SNRNP200: variants seen among roughly 807,000 people sequenced by gnomAD.
SNRNP200 encodes the protein U5 small nuclear ribonucleoprotein 200 kDa helicase.
A neutral mutation model predicts 255.2 loss-of-function variants in SNRNP200; 66 were observed. The ratio of observed to expected loss-of-function variants is 0.26; its 90% CI spans 0.21 to 0.32. The LOEUF (loss-of-function observed/expected upper bound fraction) is 0.32, where lower values mean the gene tolerates loss of function less well. SNRNP200 is among the 10% of genes least tolerant of loss of function. The probability of loss-of-function intolerance (pLI) is 1.00; values close to 1 mark genes in which losing one functional copy is unlikely to be tolerated. For synonymous variants in SNRNP200, 939 were observed against 1,027.8 expected (o/e 0.91, Z 1.65); for missense variants, 1,585 against 2,749.8 (o/e 0.58, Z 9.47).
At chr2:96,300,064 A>C (rs947664666) in intron 5 of SNRNP200, among the ~76,000 whole-genome samples, 1 of 152,154 alleles carries the variant, frequency 6.6e-6, no homozygotes, top group African/African-American at 2.4e-5. Context: ...TCAAACTCAG[A>C]AGTCTTGGCT....
In SNRNP200 at chr2:96,283,723, G is replaced by C. The variant is rs764630830; in HGVS notation, c.4585-10C>G. 2 of 1,613,886 alleles carry C rather than the reference G, an allele frequency of 1.2e-6. No homozygotes were observed. Among genetic ancestry groups the C allele is most frequent in the Admixed American group, 3.3e-5 (2 of 60,000 alleles). On this transcript the variant is annotated splice_polypyrimidine_tract_variant and intron_variant, in intron 32 of 44. Transcript: ENST00000323853. This position sits in a 1 kb window ranked among gnomAD's most constrained non-coding sequence, Gnocchi z 4.7. The stretch of plus-strand genomic sequence containing the variant: ...GGCTGATGTTGAAGCCCTGGCGACC[G>C]GGGAGAAGAAAAGACACCAAGGTTA...
chr2:96,297,745 AC>A (rs1233509561), intron 9 of SNRNP200, 25 bp from the exon 10 acceptor site: 1 of 1,613,330 alleles, frequency 6.2e-7, no homozygotes. Flanking sequence ...GATAAAAATC[AC>A]AAAAACAATT....
Position 96,285,277 on chromosome 2 carries a change from T to C in SNRNP200, c.4067A>G (p.Lys1356Arg). 1 of 1,614,142 alleles carries C rather than the reference T, an allele frequency of 6.2e-7. No individual in the cohort carries two copies. ...GATGGCAAACTCTGCACAAATAGTCTTCCCGCTGCCCGTGGGGGCCCCCAC... is the reference window on the plus strand; with the variant it reads ...GATGGCAAACTCTGCACAAATAGTCCTCCCGCTGCCCGTGGGGGCCCCCAC... ...VFVGAPTGSG[K>R]TICAEFAILR... Residue 1356 changes from lysine (K) to arginine (R), a missense_variant, in exon 30 of 45, where the codon AAG becomes AGG. Around this residue, in one of 9 missense-constraint regions of SNRNP200, gnomAD observed 719 missense variants for 1,091.1 expected, o/e 0.66. Coordinates refer to ENST00000323853, the MANE Select transcript of SNRNP200 (RefSeq NM_014014.5).
chr2:96,297,909 T>C (rs12478532), intron 9 of SNRNP200, among the ~76,000 whole-genome samples, 189 bp from the exon 10 acceptor site: 25 of 152,312 alleles, frequency 1.6e-4, no homozygotes, highest in Non-Finnish European at 2.8e-4. Context: ...AAAGGGGCAA[T>C]GCGCAGTACA....
chr2:96,299,653 T>C (rs2063940596), intron 5 of SNRNP200, among the ~76,000 whole-genome samples: 1 of 152,228 alleles, frequency 6.6e-6, no homozygotes, highest in South Asian at 2.1e-4. Context: ...CTTAGGCTGC[T>C]ACAATGGCAA....
intron 8 of SNRNP200, 82 bp from the exon 9 acceptor site, chr2:96,298,502 TAAAAG>T: frequency 6.2e-7 from 1 of 1,609,966 alleles, no homozygotes; most frequent in Non-Finnish European, 8.5e-7. Flanking sequence ...AGAAGAAAAA[TAAAAG>T]AAACAAGCAC....
At chr2:96,296,798 C>G in intron 12 of SNRNP200, 107 bp from the exon 13 acceptor site, 1 of 1,519,494 alleles carries the variant, frequency 6.6e-7, no homozygotes. Context: ...GTCCTGGGCA[C>G]TTTATCCTAC....
chr2:96,304,348 G>A (rs1394937702), intron 2 of SNRNP200, among the ~76,000 whole-genome samples: 1 of 152,118 alleles, frequency 6.6e-6, no homozygotes, highest in Non-Finnish European at 1.5e-5. Context: ...TAGGTAGAAC[G>A]TGGACAAGAG....
chr2:96,275,195 A>G (rs2104327243), intron 44 of SNRNP200, 40 bp from the exon 45 acceptor site: 1 of 1,614,178 alleles, frequency 6.2e-7, no homozygotes. Context: ...GCATGGACAC[A>G]GGAAGCATTC....
rs1410514838 is a variant in SNRNP200, at chr2:96,297,294, T to C, written c.1377+69A>G. ...ACTATATATGAAACAAGGCTACATT[T>C]TGGTCAATGGTTGAAATCCAAACCA... On this transcript the variant is annotated intron_variant, in intron 11 of 44. Transcript: ENST00000323853. 4 of 1,591,110 alleles carry C rather than the reference T, an allele frequency of 2.5e-6. No homozygotes were observed. The East Asian group carries it at 8.9e-5, about 36-fold the overall frequency.
intron 22 of SNRNP200, 53 bp downstream of exon 22, chr2:96,289,174 T>C (rs2063868241): frequency 6.2e-7 from 1 of 1,613,474 alleles, no homozygotes; most frequent in African/African-American, 1.3e-5. Flanking sequence ...GGGACACCAT[T>C]CAGTGACTTG....
rs761554698 is a variant in SNRNP200 at position 96,297,746 on chromosome 2, CA to C, written c.1120-27del. ...CTGTAGTGGACAAAGATAAAAATCA[CA>C]AAAACAATTCATCAGTATCATAGGT... On this transcript the variant is annotated intron_variant, in intron 9 of 44. Transcript: ENST00000323853. 5.0e-5 allele frequency: 80 copies of C among 1,612,860 alleles called. No individual in the cohort carries two copies. The African/African-American group carries it at 1.0e-3, about 20-fold the overall frequency.
At position 96,274,750 on chromosome 2, in the gene SNRNP200, T is replaced by A; in HGVS notation, c.*262A>T. On this transcript the variant is annotated 3_prime_UTR_variant, in exon 45 of 45. Coordinates refer to ENST00000323853, the MANE Select transcript of SNRNP200 (RefSeq NM_014014.5). Reference sequence around the variant, plus strand: ...GACAAATGGTTTCTACAAATTATTTTATTAGAATGTCAGACTCAAAAGAAC... The same window carrying A: ...GACAAATGGTTTCTACAAATTATTTAATTAGAATGTCAGACTCAAAAGAAC... 2 of 524,222 alleles carry A rather than the reference T, an allele frequency of 3.8e-6. No homozygotes were observed. The highest frequency in any genetic ancestry group is 6.9e-6 in the Non-Finnish European group (2 of 289,906). 32.5% of individuals were successfully genotyped at this position (524,222 alleles called of 1,614,324 possible).
chr2:96,293,050 C>T lies in SNRNP200; in HGVS notation c.2082G>A (p.Glu694=). The T allele has an allele frequency of 6.2e-7, 1 of 1,614,072 alleles. No homozygotes were observed. Among genetic ancestry groups the T allele is most frequent in the Non-Finnish European group, 8.5e-7 (1 of 1,179,934 alleles). The change falls in exon 16 of 45, where the codon GAG becomes GAA. Residue 694 remains glutamate (E), a synonymous_variant. Transcript: ENST00000323853. ...PLEQTYVGIT[E]KKAIKRFQIM... The stretch of plus-strand genomic sequence containing the variant: ...TCTGGAAACGCTTGATAGCTTTTTT[C>T]TCTGTGATACCCACATATGTCTGTT...
At position 96,279,463 on chromosome 2, in the gene SNRNP200, C is replaced by T. The variant is rs1421717337; in HGVS notation, c.5121G>A (p.Gln1707=). The T allele has an allele frequency of 6.2e-7, 1 of 1,613,276 alleles. No homozygotes were observed. The highest frequency in any genetic ancestry group is 1.3e-5 in the African/African-American group (1 of 74,916). The change falls in exon 36 of 45, where the codon CAG becomes CAA. Residue 1707 remains glutamine (Q), a synonymous_variant. Coordinates refer to ENST00000323853, the MANE Select transcript of SNRNP200 (RefSeq NM_014014.5). ...DDEGRCVIMC[Q]GSKKDFFKKF... ...GTCTAGGACTGACCTTCTTGGAGCC[C>T]TGACACATGATGACACAGCGCCCCT... is the stretch of plus-strand genomic sequence containing the variant.
chr2:96,293,239 C>G, intron 15 of SNRNP200, 77 bp downstream of exon 15: 1 of 1,574,806 alleles, frequency 6.3e-7, no homozygotes, highest in Non-Finnish European at 8.7e-7. Context: ...AAACCCAACC[C>G]AGTAGCACTC....
In SNRNP200 at chr2:96,298,621, G is replaced by C; in HGVS notation, c.964C>G (p.Arg322Gly). The change falls in exon 8 of 45, where the codon CGG becomes GGG. Residue 322 changes from arginine (R) to glycine (G), a missense_variant. Physicochemically the swap from Arg to Gly is moderately radical, Grantham distance 125 (BLOSUM62 -2). Around this residue, in one of 9 missense-constraint regions of SNRNP200, gnomAD observed 383 missense variants for 645.3 expected, o/e 0.59. Transcript: ENST00000323853. ...TACTCACTCATCATCCTGTGCTGCC[G>C]CAACACTTTAATGAAATCAAAGGTG... ...FNTFDFIKVL[R>G]QHRMMILYCT... 6.2e-7 allele frequency: 1 copy of C among 1,614,078 alleles called. No individual in the cohort carries two copies. The highest frequency in any genetic ancestry group is 1.1e-5 in the South Asian group (1 of 91,078).
rs1246629866 is a variant in SNRNP200, at chr2:96,290,524, A to G, written c.2554-10T>C. The stretch of plus-strand genomic sequence containing the variant: ...CGGCACGTCCCAGCATCTAGATCAG[A>G]GACAGCGAACCAAGAATGCTATGTC... On this transcript the variant is annotated splice_polypyrimidine_tract_variant and intron_variant, in intron 19 of 44. Transcript: ENST00000323853. The surrounding 1 kb of genome is among the most constrained non-coding windows in gnomAD (Gnocchi z 4.5). 1 of 1,614,150 alleles carries G rather than the reference A, an allele frequency of 6.2e-7. No homozygotes were observed. Among genetic ancestry groups the G allele is most frequent in the Non-Finnish European group, 8.5e-7 (1 of 1,180,026 alleles).
chr2:96,293,504 C>T lies in SNRNP200; in HGVS notation c.1848G>A (p.Glu616=). Reference sequence around the variant, plus strand: ...CTCTGTCATCGTGGAGAAGATGAATCTCATCCTACGGAATTGGAGGACAGA... The same window carrying T: ...CTCTGTCATCGTGGAGAAGATGAATTTCATCCTACGGAATTGGAGGACAGA... ...TQLVRLIILD[E]IHLLHDDRGP... The change falls in exon 15 of 45, where the codon GAG becomes GAA. Residue 616 remains glutamate, a synonymous_variant. Coordinates refer to ENST00000323853, the MANE Select transcript of SNRNP200 (RefSeq NM_014014.5). 2 of 1,612,210 alleles carry T rather than the reference C, an allele frequency of 1.2e-6. No homozygotes were observed. Among genetic ancestry groups the T allele is most frequent in the Non-Finnish European group, 1.7e-6 (2 of 1,179,936 alleles).
Sources: gnomAD v4.1 joint callset for allele counts (sites outside exome capture counted in the v4.1 genomes callset) on GRCh38, gnomAD v4.1.1 for gene constraint, gnomAD v4.1.1 regional missense constraint, Gnocchi (gnomAD v3.1) non-coding constraint, MANE v1.5 for transcripts, NCBI Gene and HGNC (gene_info 2026-07-23, HGNC 2026-07-21) for gene names.